PCDHB11: variants seen among roughly 807,000 people sequenced by gnomAD.
The protein encoded by PCDHB11 is protocadherin beta 11.
For missense variants in PCDHB11, 1,151 were observed against 1,003.4 expected (o/e 1.15, Z -1.99); for synonymous variants, 522 against 442.0 (o/e 1.18, Z -2.27).
In PCDHB11 at chr5:141,202,517, G is replaced by A. The variant is rs1439956321; in HGVS notation, c.*349G>A. The A allele has an allele frequency of 2.4e-5, 4 of 169,746 alleles. No individual in the cohort carries two copies. The East Asian group carries it at 5.1e-4, about 21-fold the overall frequency. 10.5% of individuals were successfully genotyped at this position (169,746 alleles called of 1,614,324 possible). ...GAGACGGGGTTTCACCACGTTGGCC[G>A]GGCAGGTTTTAAACTCTTGACCTCA... On this transcript the variant is annotated 3_prime_UTR_variant, in exon 1 of 1. Coordinates refer to ENST00000354757, the MANE Select transcript of PCDHB11 (RefSeq NM_018931.3).
Position 141,201,982 on chromosome 5 carries a change from G to A in PCDHB11, c.2208G>A (p.Leu736=), listed in dbSNP as rs1323010937. ...SVPKGPFPGH[L]VDVSGTGTLS... ...CTAAGGGCCCCTTTCCAGGGCATCT[G>A]GTGGACGTGAGCGGCACCGGGACCC... is the stretch of plus-strand genomic sequence containing the variant. The change falls in exon 1 of 1, where the codon CTG becomes CTA. Residue 736 remains leucine, a synonymous_variant. Transcript: ENST00000354757. 3 of 1,614,202 alleles carry A rather than the reference G, an allele frequency of 1.9e-6. No individual in the cohort carries two copies. Among genetic ancestry groups the A allele is most frequent in the South Asian group, 2.2e-5 (2 of 91,084 alleles).
rs1754242626 is a variant in PCDHB11, at chr5:141,202,992, A to C, written c.*824A>C. The C allele has an allele frequency of 6.6e-6, 1 of 152,220 alleles. No individual in the cohort carries two copies. The highest frequency in any genetic ancestry group is 6.5e-5 in the Admixed American group (1 of 15,286). 9.4% of individuals were successfully genotyped at this position (152,220 alleles called of 1,614,324 possible). A position where few individuals can be genotyped will look rare whatever the true frequency, so the allele number is the denominator to read the frequency against. Reference sequence around the variant, plus strand: ...ACAGGTAGTTAATCCATTTCTAATGAATAATTTTAAGGTTTTAATCCTTTC... The same window carrying C: ...ACAGGTAGTTAATCCATTTCTAATGCATAATTTTAAGGTTTTAATCCTTTC... On this transcript the variant is annotated 3_prime_UTR_variant, in exon 1 of 1. Coordinates refer to ENST00000354757, the MANE Select transcript of PCDHB11 (RefSeq NM_018931.3).
chr5:141,199,915 T>A lies in PCDHB11; in HGVS notation c.141T>A (p.Asn47Lys), dbSNP rs781875434. The change falls in exon 1 of 1, where the codon AAT becomes AAA. Residue 47 changes from asparagine to lysine, a missense_variant. Asn to Lys is a moderately conservative substitution (Grantham distance 94). Coordinates refer to ENST00000354757, the MANE Select transcript of PCDHB11 (RefSeq NM_018931.3). ...EEMQSGSFVG[N>K]LAKDLGLKVR... ...TGCAGAGCGGGAGTTTTGTAGGCAA[T>A]CTGGCAAAGGACCTGGGGCTGAAGG... 2.5e-6 allele frequency: 4 copies of A among 1,614,118 alleles called. No individual in the cohort carries two copies. The highest frequency in any genetic ancestry group is 1.3e-5 in the African/African-American group (1 of 75,030).
Position 141,202,605 on chromosome 5 carries a change from C to CTTT in PCDHB11, c.*445_*447dup. On this transcript the variant is annotated 3_prime_UTR_variant, in exon 1 of 1. Transcript: ENST00000354757. ...ACCGGTGTGAGCCACTGCGCCCGGC[C>CTTT]TTTTTTTTTTCTTTTCTTTTCTTTT... The CTTT allele has an allele frequency of 6.7e-6, 1 of 148,690 alleles. No individual in the cohort carries two copies. Among genetic ancestry groups the CTTT allele is most frequent in the Non-Finnish European group, 1.5e-5 (1 of 67,326 alleles). The allele number at this position is 148,690 out of a possible 1,614,324, so 9.2% of individuals were successfully genotyped here. A position where few individuals can be genotyped will look rare whatever the true frequency, so the allele number is the denominator to read the frequency against.
chr5:141,202,482 A>G lies in PCDHB11; in HGVS notation c.*314A>G, dbSNP rs1473155669. ...GCTCGGCTAAATTTTTTTTTTTTTT[A>G]TCTTTAGTAGAGACGGGGTTTCACC... On this transcript the variant is annotated 3_prime_UTR_variant, in exon 1 of 1. Coordinates refer to ENST00000354757, the MANE Select transcript of PCDHB11 (RefSeq NM_018931.3). 1.6e-5 allele frequency: 3 copies of G among 187,794 alleles called. No homozygotes were observed. The East Asian group carries it at 4.1e-4, about 26-fold the overall frequency. The allele number at this position is 187,794 out of a possible 1,614,324, so 11.6% of individuals were successfully genotyped here.
chr5:141,201,076 G>C lies in PCDHB11; in HGVS notation c.1302G>C (p.Glu434Asp). ...TDLGIPRLKT[E>D]HNTTVLVSDV... ...TGGGGATACCCAGGCTGAAAACCGA[G>C]CACAACACAACTGTGTTGGTCTCTG... The change falls in exon 1 of 1, where the codon GAG becomes GAC. Residue 434 changes from glutamate (E) to aspartate (D), a missense_variant. Coordinates refer to ENST00000354757, the MANE Select transcript of PCDHB11 (RefSeq NM_018931.3). 1 of 1,614,184 alleles carries C rather than the reference G, an allele frequency of 6.2e-7. No homozygotes were observed. The highest frequency in any genetic ancestry group is 8.5e-7 in the Non-Finnish European group (1 of 1,180,032).
chr5:141,200,708 A>T lies in PCDHB11; in HGVS notation c.934A>T (p.Ile312Phe). Residue 312 changes from isoleucine (I) to phenylalanine (F), a missense_variant, in exon 1 of 1, where the codon ATT (isoleucine) becomes TTT (phenylalanine). Transcript: ENST00000354757. ...AAGAGCACCTCTGGATTTTGAAACGATTGAGTCATACTCAATAATCATTCA... is the reference window on the plus strand; with the variant it reads ...AAGAGCACCTCTGGATTTTGAAACGTTTGAGTCATACTCAATAATCATTCA... ...TLRAPLDFET[I>F]ESYSIIIQAT... is the part of the protein sequence containing the mutation. The T allele has an allele frequency of 3.7e-6, 6 of 1,614,198 alleles. No homozygotes were observed. The highest frequency in any genetic ancestry group is 5.1e-6 in the Non-Finnish European group (6 of 1,180,050).
chr5:141,202,089 C>T lies in PCDHB11; in HGVS notation c.2315C>T (p.Pro772Leu). 6.2e-7 allele frequency: 1 copy of T among 1,614,170 alleles called. No homozygotes were observed. Residue 772 changes from proline (P) to leucine (L), a missense_variant, in exon 1 of 1, where the codon CCT (proline) becomes CTT (leucine). Pro to Leu is a moderately conservative substitution (Grantham distance 98). Coordinates refer to ENST00000354757, the MANE Select transcript of PCDHB11 (RefSeq NM_018931.3). ...NEFKFLKPVIPNIQAKGLGKN... is the reference protein window; with the variant it reads ...NEFKFLKPVILNIQAKGLGKN... ...TTCAAGTTCCTAAAACCGGTTATCC[C>T]TAATATCCAGGCAAAAGGTCTTGGG...
Position 141,200,998 on chromosome 5 carries a change from A to G in PCDHB11, c.1224A>G (p.Pro408=), listed in dbSNP as rs61744769. Residue 408 remains proline, a synonymous_variant, in exon 1 of 1, where the codon CCA becomes CCG. Coordinates refer to ENST00000354757, the MANE Select transcript of PCDHB11 (RefSeq NM_018931.3). The part of the protein sequence containing the change: ...ENYYTLETER[P]LDRESTAEYN... ...ACTACACGTTGGAAACAGAGAGACC[A>G]CTGGACAGAGAGAGCACAGCCGAGT... 4 of 1,614,218 alleles carry G rather than the reference A, an allele frequency of 2.5e-6. No individual in the cohort carries two copies. The East Asian group carries it at 8.9e-5, about 36-fold the overall frequency.
Position 141,201,338 on chromosome 5 carries a change from G to C in PCDHB11, c.1564G>C (p.Glu522Gln). The C allele has an allele frequency of 6.2e-7, 1 of 1,613,420 alleles. No homozygotes were observed. Among genetic ancestry groups the C allele is most frequent in the Non-Finnish European group, 8.5e-7 (1 of 1,179,940 alleles). Residue 522 changes from glutamate (E) to glutamine (Q), a missense_variant, in exon 1 of 1, where the codon GAG becomes CAG. Transcript: ENST00000354757. ...GTTCGCCCTCAGGTCGCTGGACTAC[G>C]AGGCCCTGCAGGCTTTCGACTTCCG... ...HLFALRSLDY[E>Q]ALQAFDFRVG...
In PCDHB11 at chr5:141,201,801, C is replaced by T; in HGVS notation, c.2027C>T (p.Ala676Val). The T allele has an allele frequency of 6.2e-7, 1 of 1,610,260 alleles. No individual in the cohort carries two copies. The highest frequency in any genetic ancestry group is 8.5e-7 in the Non-Finnish European group (1 of 1,179,794). ...CAGCCCTACCTGCCGCTCCCTGAGG[C>T]GGCACCGGCCCAGGCCCAGGCCGAC... is the stretch of plus-strand genomic sequence containing the variant. The part of the protein sequence containing the change: ...FSQPYLPLPE[A>V]APAQAQADSL... The change falls in exon 1 of 1, where the codon GCG (alanine) becomes GTG (valine). Residue 676 changes from alanine to valine, a missense_variant. Transcript: ENST00000354757.
In PCDHB11 at chr5:141,200,486, A is replaced by T; in HGVS notation, c.712A>T (p.Asn238Tyr). Reference protein sequence around the residue: ...VRVVVVDINDNSPEFEQAFYE... With the variant: ...VRVVVVDINDYSPEFEQAFYE... ...GGTGGTGGTTGTGGACATTAATGACAACTCCCCTGAATTTGAGCAGGCTTT... is the reference window on the plus strand; with the variant it reads ...GGTGGTGGTTGTGGACATTAATGACTACTCCCCTGAATTTGAGCAGGCTTT... The change falls in exon 1 of 1, where the codon AAC becomes TAC. Residue 238 changes from asparagine (N) to tyrosine (Y), a missense_variant. By Grantham distance (143) the Asn-to-Tyr change is moderately radical. Transcript: ENST00000354757. The T allele has an allele frequency of 6.2e-7, 1 of 1,614,048 alleles. No individual in the cohort carries two copies. Among genetic ancestry groups the T allele is most frequent in the Non-Finnish European group, 8.5e-7 (1 of 1,180,032 alleles).
rs782375571 is a variant in PCDHB11, at chr5:141,201,696, T to C, written c.1922T>C (p.Val641Ala). Residue 641 changes from valine to alanine, a missense_variant, in exon 1 of 1, where the codon GTG becomes GCG. Val to Ala is a moderately conservative substitution (Grantham distance 64). Transcript: ENST00000354757. ...CGCGACGCGGCCAAGCACAGGCTGG[T>C]GGTGCTGGTCAAGGACAATGGCGAG... is the stretch of plus-strand genomic sequence containing the variant. ...SERDAAKHRL[V>A]VLVKDNGEPP... 6.8e-6 allele frequency: 11 copies of C among 1,606,202 alleles called. No homozygotes were observed. In the Admixed American group the frequency reaches 1.3e-4, roughly 19 times the overall value.
rs1332905800 is a variant in PCDHB11, at chr5:141,199,664, A to G, written c.-111A>G. 3.3e-6 allele frequency: 3 copies of G among 913,566 alleles called. No individual in the cohort carries two copies. The highest frequency in any genetic ancestry group is 5.1e-5 in the East Asian group (2 of 38,980). The allele number at this position is 913,566 out of a possible 1,614,324, so 56.6% of individuals were successfully genotyped here. A position where few individuals can be genotyped will look rare whatever the true frequency, so the allele number is the denominator to read the frequency against. ...CAAGCCTTCAAGAGGGTGACCTGGAAACCATTCAACAGGGTTAAAATCCTT... is the reference window on the plus strand; with the variant it reads ...CAAGCCTTCAAGAGGGTGACCTGGAGACCATTCAACAGGGTTAAAATCCTT... On this transcript the variant is annotated 5_prime_UTR_variant, in exon 1 of 1. Coordinates refer to ENST00000354757, the MANE Select transcript of PCDHB11 (RefSeq NM_018931.3).
At position 141,201,385 on chromosome 5, in the gene PCDHB11, C is replaced by A. The variant is rs74949746; in HGVS notation, c.1611C>A (p.Gly537=). ...TCCGCGTGGGCGCCACAGACCGCGG[C>A]TCCCCGGCTTTGAGCAGCGAGGCGC... The part of the protein sequence containing the change: ...FDFRVGATDR[G]SPALSSEALV... Residue 537 remains glycine (G), a synonymous_variant, in exon 1 of 1, where the codon GGC becomes GGA. Coordinates refer to ENST00000354757, the MANE Select transcript of PCDHB11 (RefSeq NM_018931.3). The A allele has an allele frequency of 1.7e-3, 2,768 of 1,612,444 alleles. No homozygotes were observed. The African/African-American group carries it at 0.034, about 20-fold the overall frequency.
rs782807687 is a variant in PCDHB11, at chr5:141,200,081, G to C, written c.307G>C (p.Val103Leu). The C allele has an allele frequency of 1.2e-6, 2 of 1,614,008 alleles. No homozygotes were observed. Among genetic ancestry groups the C allele is most frequent in the African/African-American group, 2.7e-5 (2 of 74,890 alleles). Residue 103 changes from valine (V) to leucine (L), a missense_variant, in exon 1 of 1, where the codon GTG (valine) becomes CTG (leucine). Val to Leu is a conservative substitution (Grantham distance 32). Coordinates refer to ENST00000354757, the MANE Select transcript of PCDHB11 (RefSeq NM_018931.3). ...GCTCTGCGGTTCCATCGAGCCTTGC[G>C]TGCTACATTTGCAGGTGTTAATGCA... Reference protein sequence around the residue: ...EELCGSIEPCVLHLQVLMQNP... With the variant: ...EELCGSIEPCLLHLQVLMQNP...
rs1299888421 is a variant in PCDHB11, at chr5:141,202,323, C to T, written c.*155C>T. ...CCAATTTTTTTTTTTTTTTTGAGAC[C>T]GAGTCTCATTCTGTCGCCCTGGCTG... On this transcript the variant is annotated 3_prime_UTR_variant, in exon 1 of 1. Transcript: ENST00000354757. The T allele has an allele frequency of 1.9e-5, 13 of 669,318 alleles. No homozygotes were observed. Among genetic ancestry groups the T allele is most frequent in the East Asian group, 5.9e-5 (2 of 33,778 alleles). The allele number at this position is 669,318 out of a possible 1,614,324, so 41.5% of individuals were successfully genotyped here.
rs1554285379 is a variant in PCDHB11, at chr5:141,200,737, C to T, written c.963C>T (p.Ala321=). Reference sequence around the variant, plus strand: ...AGTCATACTCAATAATCATTCAAGCCACAGATGGGGGAGGACTTTTTGGAA... The same window carrying T: ...AGTCATACTCAATAATCATTCAAGCTACAGATGGGGGAGGACTTTTTGGAA... ...TIESYSIIIQ[A]TDGGGLFGKS... is the part of the protein sequence containing the mutation. The change falls in exon 1 of 1, where the codon GCC becomes GCT. Residue 321 remains alanine (A), a synonymous_variant. Coordinates refer to ENST00000354757, the MANE Select transcript of PCDHB11 (RefSeq NM_018931.3). 6.2e-7 allele frequency: 1 copy of T among 1,614,150 alleles called. No homozygotes were observed. Among genetic ancestry groups the T allele is most frequent in the Admixed American group, 1.7e-5 (1 of 60,014 alleles).
chr5:141,201,371 G>T lies in PCDHB11; in HGVS notation c.1597G>T (p.Ala533Ser), dbSNP rs1554285580. 5.0e-6 allele frequency: 8 copies of T among 1,612,714 alleles called. No individual in the cohort carries two copies. The highest frequency in any genetic ancestry group is 1.7e-5 in the Admixed American group (1 of 60,014). The change falls in exon 1 of 1, where the codon GCC becomes TCC. Residue 533 changes from alanine (A) to serine (S), a missense_variant. Physicochemically the swap from Ala to Ser is moderately conservative, Grantham distance 99. Transcript: ENST00000354757. ...ALQAFDFRVG[A>S]TDRGSPALSS... ...GCAGGCTTTCGACTTCCGCGTGGGC[G>T]CCACAGACCGCGGCTCCCCGGCTTT...
Sources: gnomAD v4.1 joint callset for allele counts on GRCh38, gnomAD v4.1.1 for gene constraint, MANE v1.5 for transcripts, NCBI Gene and HGNC (gene_info 2026-07-23, HGNC 2026-07-21) for gene names.